DENND1B: variants seen among roughly 807,000 people sequenced by gnomAD.
DENND1B encodes the protein DENN domain-containing protein 1B.
DENND1B carries 59 observed loss-of-function variants against 90.1 expected under a neutral mutation model. The observed-to-expected ratio is 0.65, with a 90% CI of 0.53 to 0.81. The LOEUF (loss-of-function observed/expected upper bound fraction) is 0.81. Ranked by LOEUF, DENND1B falls within the 40% of genes least tolerant of loss-of-function variation. DENND1B has a pLI of 0.00. For synonymous variants in DENND1B, 337 were observed against 324.6 expected (o/e 1.04, Z -0.41); for missense variants, 862 against 912.6 (o/e 0.94, Z 0.71).
At chr1:197,768,309 A>C (rs1245939559) in intron 2 of DENND1B, among the ~76,000 whole-genome samples, 1 of 151,952 alleles carries the variant, frequency 6.6e-6, no homozygotes, top group African/African-American at 2.4e-5. Flanking sequence ...CTTGGAATAA[A>C]CTATCAACAA....
chr1:197,781,321 A>G, the DENND1B span, among the ~76,000 whole-genome samples: 1 of 152,284 alleles, frequency 6.6e-6, no homozygotes, highest in Non-Finnish European at 1.5e-5. Flanking sequence ...CATTTCCTAG[A>G]CTAACTCTGC....
intron 2 of DENND1B, among the ~76,000 whole-genome samples, chr1:197,762,238 C>A (rs746967669): frequency 6.6e-6 from 1 of 151,824 alleles, no homozygotes; most frequent in African/African-American, 2.4e-5. Context: ...ATAACTTCCA[C>A]GAGACAGACA....
intron 3 of DENND1B, among the ~76,000 whole-genome samples, chr1:197,697,153 C>T (rs1571396772): frequency 6.6e-6 from 1 of 150,574 alleles, no homozygotes; most frequent in African/African-American, 2.4e-5. Context: ...GGAAGTCTGA[C>T]CATGCCCTCT....
At chr1:197,577,516 C>T (rs185762107) in intron 15 of DENND1B, among the ~76,000 whole-genome samples, 11 of 152,126 alleles carry the variant, frequency 7.2e-5, no homozygotes, top group Admixed American at 6.5e-4. Flanking sequence ...TTGGTTTTGC[C>T]GTGGTCCTTA....
At chr1:197,704,860 C>G (rs1659373942) in intron 3 of DENND1B, among the ~76,000 whole-genome samples, 1 of 151,670 alleles carries the variant, frequency 6.6e-6, no homozygotes, top group South Asian at 2.1e-4. Context: ...AAAAATAAAG[C>G]TAAAAATTTA....
intron 15 of DENND1B, among the ~76,000 whole-genome samples, chr1:197,568,537 G>C (rs1400212633): frequency 3.3e-5 from 5 of 151,880 alleles, no homozygotes; most frequent in African/African-American, 1.2e-4. Flanking sequence ...ACCTCAAATA[G>C]ACAAAACAAT....
At chr1:197,671,026 C>T (rs1446826384) in intron 5 of DENND1B, among the ~76,000 whole-genome samples, 4 of 152,128 alleles carry the variant, frequency 2.6e-5, no homozygotes, top group Admixed American at 6.6e-5. Context: ...CTCTCCAGCT[C>T]TAACCAATGT....
At chr1:197,770,654 A>ATG (rs1345922363) in intron 2 of DENND1B, among the ~76,000 whole-genome samples, 8 of 144,444 alleles carry the variant, frequency 5.5e-5, no homozygotes, top group Admixed American at 4.2e-4. Context: ...ATAAATATAT[A>ATG]TCTATAAATA....
chr1:197,736,606 A>G (rs1236505369), intron 2 of DENND1B, among the ~76,000 whole-genome samples: 2 of 152,342 alleles, frequency 1.3e-5, no homozygotes, highest in South Asian at 4.1e-4. Context: ...ACAAAGCACT[A>G]GGATTAGAGG....
intron 16 of DENND1B, among the ~76,000 whole-genome samples, chr1:197,547,421 A>C (rs1670896613): frequency 6.6e-6 from 1 of 152,242 alleles, no homozygotes; most frequent in African/African-American, 2.4e-5. Context: ...TCTCAGCCCC[A>C]AAATTTCTTT....
intron 1 of DENND1B, among the ~76,000 whole-genome samples, chr1:197,773,478 T>C (rs964292531): frequency 1.3e-5 from 2 of 152,210 alleles, no homozygotes; most frequent in Non-Finnish European, 2.9e-5. Context: ...ATGAATGTGA[T>C]ACGTTGCATA....
chr1:197,638,395 C>T (rs1679975192), intron 10 of DENND1B, among the ~76,000 whole-genome samples: 1 of 152,158 alleles, frequency 6.6e-6, no homozygotes, highest in South Asian at 2.1e-4. Context: ...TCCCTTCCAC[C>T]TGCTTCTACA....
At chr1:197,583,941 C>G (rs1674469465) in intron 14 of DENND1B, among the ~76,000 whole-genome samples, 1 of 152,116 alleles carries the variant, frequency 6.6e-6, no homozygotes, top group Non-Finnish European at 1.5e-5. Context: ...CACCCACTGG[C>G]TAATTCCTAC....
intron 20 of DENND1B, among the ~76,000 whole-genome samples, chr1:197,539,642 G>A (rs1036893054): frequency 6.6e-6 from 1 of 152,218 alleles, no homozygotes; most frequent in Non-Finnish European, 1.5e-5. Context: ...TATTTTTGTA[G>A]TAAAGGAATC....
chr1:197,638,824 T>A (rs189534977), intron 10 of DENND1B, among the ~76,000 whole-genome samples: 2 of 152,190 alleles, frequency 1.3e-5, no homozygotes, highest in East Asian at 1.9e-4. Context: ...CCGTTCCATG[T>A]GTACTTGACA....
chr1:197,546,620 C>A (rs1275902847), intron 17 of DENND1B, 113 bp downstream of exon 17: 2 of 933,634 alleles, frequency 2.1e-6, no homozygotes, highest in Admixed American at 3.5e-5. Flanking sequence ...ACAAAATATA[C>A]AAACATTTCA....
chr1:197,595,768 C>A (rs1647834480), intron 13 of DENND1B, among the ~76,000 whole-genome samples: 1 of 151,954 alleles, frequency 6.6e-6, no homozygotes, highest in Non-Finnish European at 1.5e-5. Flanking sequence ...TTTTGGAAGT[C>A]TCATTTGCAT....
rs1656341117 is a variant in DENND1B at position 197,678,722 on chromosome 1, A to T, written c.127-4553T>A. ...TATATTAATTTGTCAAATTACAGAG[A>T]CAGCCTATCATCTTTTATTTTTAAG... On this transcript the variant is annotated intron_variant, in intron 3 of 22. Coordinates refer to ENST00000620048, the MANE Select transcript of DENND1B (RefSeq NM_001195215.2). Among the ~76,000 whole-genome samples, 3 of 152,162 alleles carry T rather than the reference A, an allele frequency of 2.0e-5. No homozygotes were observed. In the South Asian group the frequency reaches 6.2e-4, roughly 31 times the overall value.
intron 16 of DENND1B, among the ~76,000 whole-genome samples, chr1:197,550,694 G>A (rs1169483898): frequency 1.3e-5 from 2 of 151,640 alleles, no homozygotes; most frequent in African/African-American, 4.9e-5. Context: ...GATAGCATTT[G>A]GAGATATACC....
Sources: allele counts gnomAD v4.1 joint callset (sites outside exome capture counted in the v4.1 genomes callset), GRCh38; gene constraint gnomAD v4.1.1; transcripts MANE v1.5; gene names NCBI Gene and HGNC (gene_info 2026-07-23, HGNC 2026-07-21).